Variants in EYS observed in about 807,000 individuals in gnomAD.
The protein encoded by EYS is protein eyes shut homolog.
Under a neutral mutation model 282.1 loss-of-function variants are expected in EYS, and 250 were observed. The ratio of observed to expected loss-of-function variants is 0.89; its 90% CI spans 0.80 to 0.98. EYS has a LOEUF of 0.98. Among genes scored for constraint, EYS ranks in the 50% least tolerant of loss-of-function variants. The pLI is 0.00. For synonymous variants in EYS, 1,355 were observed against 1,282.9 expected (o/e 1.06, Z -1.20); for missense variants, 4,016 against 3,709.0 (o/e 1.08, Z -2.15).
intron 28 of EYS, among the ~76,000 whole-genome samples, chr6:64,435,094 A>T (rs1774695436): frequency 6.6e-6 from 1 of 152,076 alleles, no homozygotes; most frequent in Non-Finnish European, 1.5e-5. Flanking sequence ...TATTTAGGAG[A>T]TTAAAATGAT....
chr6:65,503,991 A>G (rs1766558903), intron 2 of EYS, among the ~76,000 whole-genome samples: 1 of 151,714 alleles, frequency 6.6e-6, no homozygotes, highest in Non-Finnish European at 1.5e-5. Flanking sequence ...TTGGCAAAAT[A>G]GCTTGATGTA....
chr6:64,643,749 G>C (rs1392699808), intron 22 of EYS, among the ~76,000 whole-genome samples: 1 of 152,206 alleles, frequency 6.6e-6, no homozygotes, highest in Non-Finnish European at 1.5e-5. Context: ...AGTTTTATAA[G>C]GGAGAGTTTC....
At chr6:64,231,596 C>A (rs142537361) in intron 30 of EYS, among the ~76,000 whole-genome samples, 98 of 152,146 alleles carry the variant, frequency 6.4e-4, no homozygotes, top group African/African-American at 2.0e-3. Context: ...TAAATTTCAC[C>A]TACAGTGCTA....
intron 28 of EYS, among the ~76,000 whole-genome samples, chr6:64,399,012 TA>T (rs1255902490): frequency 4.6e-5 from 7 of 151,712 alleles, no homozygotes; most frequent in Admixed American, 4.6e-4. Flanking sequence ...ATGATAAAAA[TA>T]AAAAAGCACA....
At chr6:64,826,037 AG>A (rs1165756958) in intron 19 of EYS, among the ~76,000 whole-genome samples, 1 of 151,876 alleles carries the variant, frequency 6.6e-6, no homozygotes, top group African/African-American at 2.4e-5. Flanking sequence ...ACATGATCAA[AG>A]CCTTGGCTAA....
At chr6:64,428,265 T>A (rs549519463) in intron 28 of EYS, among the ~76,000 whole-genome samples, 27 of 152,238 alleles carry the variant, frequency 1.8e-4, no homozygotes, top group African/African-American at 6.0e-4. Context: ...AGCAAGAATA[T>A]TTTTTCATCT....
At chr6:64,208,771 C>A (rs1765682184) in intron 31 of EYS, among the ~76,000 whole-genome samples, 1 of 151,792 alleles carries the variant, frequency 6.6e-6, no homozygotes, top group African/African-American at 2.4e-5. Flanking sequence ...TATTTGTGAC[C>A]ATAATTATGA....
At chr6:64,911,010 A>G (rs1269012956) in intron 16 of EYS, among the ~76,000 whole-genome samples, 1 of 151,912 alleles carries the variant, frequency 6.6e-6, no homozygotes, top group African/African-American at 2.4e-5. Flanking sequence ...GCCTACTTAT[A>G]CTCTCAGAAA....
At chr6:64,311,608 T>C (rs918827890) in intron 29 of EYS, among the ~76,000 whole-genome samples, 2 of 152,174 alleles carry the variant, frequency 1.3e-5, no homozygotes, top group Non-Finnish European at 2.9e-5. Flanking sequence ...GGAACAGCTC[T>C]GGTGTGCAGC....
intron 12 of EYS, among the ~76,000 whole-genome samples, chr6:65,251,368 T>C (rs909984436): frequency 6.6e-6 from 1 of 151,688 alleles, no homozygotes; most frequent in African/African-American, 2.4e-5. Context: ...TTTTGAGCAA[T>C]TTATTACAAA....
At chr6:65,170,508 G>T (rs1765080844) in intron 12 of EYS, among the ~76,000 whole-genome samples, 1 of 151,542 alleles carries the variant, frequency 6.6e-6, no homozygotes, top group South Asian at 2.1e-4. Flanking sequence ...AAATTTCAAA[G>T]AATTTATTAC....
At chr6:64,671,820 G>A (rs55683901) in intron 22 of EYS, among the ~76,000 whole-genome samples, 3,068 of 151,916 alleles carry the variant, frequency 0.02, 95 homozygotes, top group African/African-American at 0.069. Flanking sequence ...TGTTTGAAAA[G>A]TATTCATTTC....
Position 63,963,550 on chromosome 6 carries a change from T to C in EYS, c.7055+20833A>G, listed in dbSNP as rs748047106. On this transcript the variant is annotated intron_variant, in intron 35 of 42. Transcript: ENST00000503581. ...ATTGCTTTCTGCTCCTGGCGCAGCT[T>C]GCTCACAGGACCGAGAGGTGGCATT... 2.0e-5 allele frequency among the ~76,000 whole-genome samples: 3 copies of C among 152,168 alleles called. 1 individual carries two copies. Among genetic ancestry groups the C allele is most frequent in the Non-Finnish European group, 4.4e-5 (3 of 68,028 alleles).
chr6:64,628,012 G>A (rs1199013470), intron 22 of EYS, among the ~76,000 whole-genome samples: 1 of 152,114 alleles, frequency 6.6e-6, no homozygotes, highest in African/African-American at 2.4e-5. Context: ...CCAGGGAGGC[G>A]GAGCTTGCAG....
At chr6:64,962,226 AG>A in intron 14 of EYS, among the ~76,000 whole-genome samples, 1 of 152,038 alleles carries the variant, frequency 6.6e-6, no homozygotes, top group Non-Finnish European at 1.5e-5. Flanking sequence ...CACCATCATA[AG>A]GGGGTTTCCA....
At chr6:64,526,355 T>C (rs1394113843) in intron 26 of EYS, among the ~76,000 whole-genome samples, 1 of 151,866 alleles carries the variant, frequency 6.6e-6, no homozygotes, top group Non-Finnish European at 1.5e-5. Context: ...AAAGACTATG[T>C]TGAATCTCTG....
intron 12 of EYS, among the ~76,000 whole-genome samples, chr6:65,251,539 A>T (rs1313626796): frequency 1.3e-5 from 2 of 151,998 alleles, no homozygotes; most frequent in African/African-American, 4.8e-5. Context: ...AGATAACAAT[A>T]TACCAACTCT....
At chr6:65,189,556 C>A (rs1197894065) in intron 12 of EYS, among the ~76,000 whole-genome samples, 1 of 151,718 alleles carries the variant, frequency 6.6e-6, no homozygotes, top group Non-Finnish European at 1.5e-5. Context: ...GCAAAATCAG[C>A]ATAAATAAAA....
At chr6:65,370,581 A>C (rs1765104736) in intron 8 of EYS, among the ~76,000 whole-genome samples, 1 of 151,744 alleles carries the variant, frequency 6.6e-6, no homozygotes. Flanking sequence ...ATTTTTTGAC[A>C]TAAAACCATA....
Sources: gnomAD v4.1 joint callset for allele counts (sites outside exome capture counted in the v4.1 genomes callset) on GRCh38, gnomAD v4.1.1 for gene constraint, MANE v1.5 for transcripts, NCBI Gene and HGNC (gene_info 2026-07-23, HGNC 2026-07-21) for gene names.